ALK: variants seen among roughly 807,000 people sequenced by gnomAD.
The protein encoded by ALK is ALK receptor tyrosine kinase, also known as ALK tyrosine kinase receptor.
Under a neutral mutation model 163.1 loss-of-function variants are expected in ALK, and 74 were observed. The observed-to-expected ratio is 0.45, with a 90% CI of 0.38 to 0.55. ALK has a LOEUF of 0.55. Among genes scored for constraint, ALK ranks in the 20% least tolerant of loss-of-function variants. The pLI is 0.00. For synonymous variants in ALK, 960 were observed against 843.2 expected (o/e 1.14, Z -2.40); for missense variants, 2,063 against 2,105.3 (o/e 0.98, Z 0.39).
chr2:29,717,607 A>G lies in ALK; in HGVS notation c.758T>C (p.Phe253Ser), dbSNP rs759574066. ...TCGGCTGCGATGAGACAGGAAAGGG[A>G]AGGAGTCTTTCATTATCCAGGTGAG... Reference protein sequence around the residue: ...WNLTWIMKDSFPFLSHRSRYG... With the variant: ...WNLTWIMKDSSPFLSHRSRYG... Residue 253 changes from phenylalanine to serine, a missense_variant, in exon 2 of 29, where the codon TTC becomes TCC. Phe to Ser is a radical substitution (Grantham distance 155, BLOSUM62 -2). Around this residue, in one of 5 missense-constraint regions of ALK, gnomAD observed 987 missense variants for 939.5 expected, o/e 1.05. Transcript: ENST00000389048. 1.2e-6 allele frequency: 2 copies of G among 1,614,056 alleles called. No homozygotes were observed. The highest frequency in any genetic ancestry group is 8.5e-7 in the Non-Finnish European group (1 of 1,179,922).
chr2:29,802,056 T>C (rs1664479716), intron 1 of ALK, among the ~76,000 whole-genome samples: 2 of 152,104 alleles, frequency 1.3e-5, no homozygotes, highest in African/African-American at 4.8e-5. Context: ...AAGAAAATAA[T>C]TCTGTTTAAA....
chr2:29,342,128 A>G (rs1488122952), intron 5 of ALK, among the ~76,000 whole-genome samples: 1 of 152,260 alleles, frequency 6.6e-6, no homozygotes, highest in African/African-American at 2.4e-5. Context: ...TGGTATGGTT[A>G]CTATAAAAAA....
intron 4 of ALK, among the ~76,000 whole-genome samples, chr2:29,401,573 G>A (rs1459325452): frequency 2.0e-5 from 3 of 152,184 alleles, no homozygotes; most frequent in African/African-American, 7.2e-5. Context: ...GAAGAACAGA[G>A]GTGGGTGGGG....
intron 9 of ALK, among the ~76,000 whole-genome samples, chr2:29,285,625 C>G (rs563380147): frequency 6.7e-6 from 1 of 149,572 alleles, no homozygotes; most frequent in Non-Finnish European, 1.5e-5. Context: ...TGCAGTGGTG[C>G]GATTTCAGCT....
At chr2:29,714,604 G>A (rs1020235981) in intron 2 of ALK, among the ~76,000 whole-genome samples, 2 of 152,050 alleles carry the variant, frequency 1.3e-5, no homozygotes, top group Non-Finnish European at 2.9e-5. Context: ...CCACCCTGAC[G>A]ACCTCCCACC....
intron 1 of ALK, among the ~76,000 whole-genome samples, chr2:29,845,354 T>C (rs1323659866): frequency 6.6e-6 from 1 of 152,202 alleles, no homozygotes; most frequent in African/African-American, 2.4e-5. Flanking sequence ...AAATAAGGTT[T>C]CACGGTTAAG....
chr2:29,554,667 G>A lies in ALK; in HGVS notation c.953-22551C>T, dbSNP rs145614335. ...ATTTGAATACCTGCTACTGTCAGAG[G>A]TGTTTGAACCAGAGCAACTCCATCT... On this transcript the variant is annotated intron_variant, in intron 3 of 28. Coordinates refer to ENST00000389048, the MANE Select transcript of ALK (RefSeq NM_004304.5). Among the ~76,000 whole-genome samples the A allele has an allele frequency of 3.9e-5, 6 of 152,314 alleles. No individual in the cohort carries two copies. In the East Asian group the frequency reaches 9.6e-4, roughly 24 times the overall value.
chr2:29,485,227 C>G (rs1004778287), intron 4 of ALK, among the ~76,000 whole-genome samples: 3 of 152,216 alleles, frequency 2.0e-5, no homozygotes, highest in African/African-American at 7.2e-5. Flanking sequence ...GACAATCTCT[C>G]TCTGCTGCAT....
At chr2:29,837,522 T>C (rs1241017281) in intron 1 of ALK, among the ~76,000 whole-genome samples, 8 of 152,202 alleles carry the variant, frequency 5.3e-5, no homozygotes, top group East Asian at 1.9e-4. Flanking sequence ...AACTGCAAGA[T>C]ACTGTACCCC....
chr2:29,901,583 G>T (rs1667415358), intron 1 of ALK, among the ~76,000 whole-genome samples: 1 of 152,176 alleles, frequency 6.6e-6, no homozygotes, highest in Non-Finnish European at 1.5e-5. Context: ...TGCATTATTG[G>T]CCAAGCCGCT....
At chr2:29,753,470 T>C (rs1680431306) in intron 1 of ALK, among the ~76,000 whole-genome samples, 1 of 152,198 alleles carries the variant, frequency 6.6e-6, no homozygotes, top group South Asian at 2.1e-4. Flanking sequence ...TCCCCCTCTC[T>C]TAAGCCTGGT....
chr2:29,257,941 C>A (rs771110764), intron 11 of ALK, among the ~76,000 whole-genome samples: 1 of 152,172 alleles, frequency 6.6e-6, no homozygotes, highest in East Asian at 1.9e-4. Flanking sequence ...TGGGCTCAAG[C>A]GATCCTACCA....
chr2:29,792,382 T>C (rs1051782763), intron 1 of ALK, among the ~76,000 whole-genome samples: 1 of 152,102 alleles, frequency 6.6e-6, no homozygotes, highest in Non-Finnish European at 1.5e-5. Flanking sequence ...AGGGTAGCAC[T>C]AGATAATAAT....
At chr2:29,337,632 C>T (rs1490151992) in intron 5 of ALK, among the ~76,000 whole-genome samples, 1 of 152,134 alleles carries the variant, frequency 6.6e-6, no homozygotes, top group African/African-American at 2.4e-5. Context: ...TAATTGAGTA[C>T]AGCCAAGTCT....
intron 2 of ALK, 73 bp from the exon 3 acceptor site, chr2:29,695,087 A>C: frequency 6.4e-7 from 1 of 1,567,658 alleles, no homozygotes; most frequent in Non-Finnish European, 8.8e-7. Context: ...TCCACTCCAC[A>C]CTAGGAGGTT....
chr2:29,353,822 A>T, intron 5 of ALK, among the ~76,000 whole-genome samples: 1 of 152,216 alleles, frequency 6.6e-6, no homozygotes, highest in East Asian at 1.9e-4. Flanking sequence ...TGGCAGTTTC[A>T]CATGATTCAA....
At chr2:29,290,399 A>G (rs1390267638) in intron 9 of ALK, among the ~76,000 whole-genome samples, 1 of 152,222 alleles carries the variant, frequency 6.6e-6, no homozygotes, top group Non-Finnish European at 1.5e-5. Flanking sequence ...CAGCTTGTCC[A>G]GCAGAGGGTC....
chr2:29,408,498 G>A, intron 4 of ALK, among the ~76,000 whole-genome samples: 1 of 152,168 alleles, frequency 6.6e-6, no homozygotes, highest in Non-Finnish European at 1.5e-5. Context: ...GGGAGCACAT[G>A]ACACAGCTCA....
intron 3 of ALK, among the ~76,000 whole-genome samples, chr2:29,652,806 G>C (rs558700703): frequency 2.0e-5 from 3 of 152,272 alleles, no homozygotes; most frequent in South Asian, 2.1e-4. Flanking sequence ...GTCACACCCA[G>C]AGAGGGCATG....
Sources: allele counts gnomAD v4.1 joint callset (sites outside exome capture counted in the v4.1 genomes callset), GRCh38; gene constraint gnomAD v4.1.1; regional missense constraint gnomAD v4.1.1; transcripts MANE v1.5; gene names NCBI Gene and HGNC (gene_info 2026-07-23, HGNC 2026-07-21).